The following ARAP2 variants were observed in gnomAD, a reference collection of about 807,000 sequenced individuals.
ARAP2 encodes arf-GAP with Rho-GAP domain, ANK repeat and PH domain-containing protein 2.
A neutral mutation model predicts 194.5 loss-of-function variants in ARAP2; 148 were observed. The ratio of observed to expected loss-of-function variants is 0.76; its 90% CI spans 0.67 to 0.87. ARAP2 has a LOEUF of 0.87. Ranked by LOEUF, ARAP2 falls within the 40% of genes least tolerant of loss-of-function variation. ARAP2 has a pLI of 0.00. For missense variants in ARAP2, 2,128 were observed against 1,989.7 expected (o/e 1.07, Z -1.32); for synonymous variants, 695 against 683.5 (o/e 1.02, Z -0.26).
intron 5 of ARAP2, among the ~76,000 whole-genome samples, chr4:36,022,599 C>T (rs986762066): frequency 7.9e-5 from 12 of 152,098 alleles, no homozygotes; most frequent in Non-Finnish European, 1.6e-4. Flanking sequence ...GACTACACAT[C>T]ACAAAACAGT....
intron 6 of ARAP2, among the ~76,000 whole-genome samples, chr4:36,200,189 A>G (rs1744070888): frequency 6.6e-6 from 1 of 152,172 alleles, no homozygotes; most frequent in South Asian, 2.1e-4. Flanking sequence ...TAATTAGTTA[A>G]TTAAAGATAA....
rs1738365915 is a variant in ARAP2, at chr4:36,177,979, G to A, written c.1705C>T (p.Leu569=). 2 of 1,609,938 alleles carry A rather than the reference G, an allele frequency of 1.2e-6. No homozygotes were observed. Among genetic ancestry groups the A allele is most frequent in the Non-Finnish European group, 1.7e-6 (2 of 1,178,604 alleles). The change falls in exon 9 of 33, where the codon CTA becomes TTA. Residue 569 remains leucine, a synonymous_variant. Transcript: ENST00000303965. ...GATTGTGATTTCAGTGCATTTAATA[G>A]TATGCTGATCCAGTCATTTCTCTCC... ...EEERNDWISI[L]LNALKSQSLT...
chr4:36,054,813 C>T lies in ARAP2; in HGVS notation n.322-2760G>A, dbSNP rs1214734268. 2.0e-5 allele frequency among the ~76,000 whole-genome samples: 3 copies of T among 152,176 alleles called. No homozygotes were observed. The East Asian group carries it at 5.8e-4, about 29-fold the overall frequency. On this transcript the variant is annotated intron_variant and non_coding_transcript_variant, in intron 2 of 12. Transcript: ENST00000503225. ...AAAGCTGATGACTACTCATATTACA[C>T]AGTCATCAGAGAAATACTTTTTAAG...
At chr4:36,207,174 T>C (rs956555528) in intron 6 of ARAP2, among the ~76,000 whole-genome samples, 4 of 152,252 alleles carry the variant, frequency 2.6e-5, no homozygotes, top group Non-Finnish European at 5.9e-5. Flanking sequence ...GAATAAATTA[T>C]ATCCAGTCTT....
chr4:36,203,076 C>T (rs1744753068), intron 6 of ARAP2, among the ~76,000 whole-genome samples: 1 of 152,142 alleles, frequency 6.6e-6, no homozygotes, highest in East Asian at 1.9e-4. Flanking sequence ...ACTCCAACAT[C>T]ACAGAATCCT....
At chr4:36,063,223 C>G (rs1338676649), downstream of ARAP2, among the ~76,000 whole-genome samples, 1 of 152,014 alleles carries the variant, frequency 6.6e-6, no homozygotes, top group Non-Finnish European at 1.5e-5. Flanking sequence ...GAAGCAAACA[C>G]CGCATGTTCT....
intron 6 of ARAP2, among the ~76,000 whole-genome samples, chr4:36,205,977 A>T (rs1745452437): frequency 6.6e-6 from 1 of 152,230 alleles, no homozygotes; most frequent in Admixed American, 6.5e-5. Flanking sequence ...ACTTTTTATC[A>T]AGGATTTCGG....
At chr4:36,135,245 C>G (rs1013867749) in intron 19 of ARAP2, among the ~76,000 whole-genome samples, 4 of 151,674 alleles carry the variant, frequency 2.6e-5, no homozygotes, top group Non-Finnish European at 4.4e-5. Flanking sequence ...CTTTGGGGGC[C>G]AGGTGTGGGT....
chr4:36,131,218 G>GAATATA (rs1725363308), intron 20 of ARAP2, among the ~76,000 whole-genome samples: 1 of 151,354 alleles, frequency 6.6e-6, no homozygotes. Flanking sequence ...CCAACGTTCT[G>GAATATA]AATATAAATA....
At chr4:36,146,648 T>C (rs1239086527) in intron 19 of ARAP2, among the ~76,000 whole-genome samples, 1 of 152,104 alleles carries the variant, frequency 6.6e-6, no homozygotes, top group African/African-American at 2.4e-5. Flanking sequence ...AAGATCTCTT[T>C]TCTTAGCTAG....
intron 21 of ARAP2, among the ~76,000 whole-genome samples, chr4:36,127,379 T>C (rs1207476422): frequency 6.6e-6 from 1 of 152,014 alleles, no homozygotes; most frequent in African/African-American, 2.4e-5. Context: ...AGAAGGCAAA[T>C]GAAAGACTTC....
intron 3 of ARAP2, among the ~76,000 whole-genome samples, chr4:36,047,874 G>C (rs1722078919): frequency 6.6e-6 from 1 of 152,150 alleles, no homozygotes. Context: ...ACAATTGAAA[G>C]ATACAGAAAC....
At chr4:36,078,069 T>A (rs1430125240) in intron 31 of ARAP2, among the ~76,000 whole-genome samples, 1 of 152,182 alleles carries the variant, frequency 6.6e-6, no homozygotes, top group East Asian at 1.9e-4. Flanking sequence ...CACATGGATA[T>A]CCATTTGAAA....
At position 36,239,158 on chromosome 4, in the gene ARAP2, C is replaced by T. The variant is rs367764407; in HGVS notation, c.-160+5021G>A. On this transcript the variant is annotated intron_variant, in intron 1 of 32. Coordinates refer to ENST00000303965, the MANE Select transcript of ARAP2 (RefSeq NM_015230.4). ...GGGCATGGTGGCACACACCTGTAAT[C>T]CCAGCTACTTAGGAGGTTGAGACAT... Among the ~76,000 whole-genome samples, 9 of 152,166 alleles carry T rather than the reference C, an allele frequency of 5.9e-5. No individual in the cohort carries two copies. In the East Asian group the frequency reaches 1.5e-3, roughly 26 times the overall value.
chr4:36,119,964 T>C (rs1722301644), intron 23 of ARAP2, among the ~76,000 whole-genome samples: 1 of 151,524 alleles, frequency 6.6e-6, no homozygotes, highest in Non-Finnish European at 1.5e-5. Context: ...GGAAGTCCTA[T>C]TTCTTAGGAA....
intron 6 of ARAP2, among the ~76,000 whole-genome samples, chr4:36,017,894 AAAT>A (rs1716160151): frequency 6.6e-6 from 1 of 152,158 alleles, no homozygotes; most frequent in Non-Finnish European, 1.5e-5. Flanking sequence ...CAGTGACTGG[AAAT>A]AATAAGATAT....
chr4:36,041,410 CA>C (rs1335160163), intron 5 of ARAP2, among the ~76,000 whole-genome samples: 1 of 152,006 alleles, frequency 6.6e-6, no homozygotes, highest in Non-Finnish European at 1.5e-5. Flanking sequence ...TGTATGCAGC[CA>C]ACAAGCACAT....
chr4:36,056,713 T>C (rs1723580097), intron 2 of ARAP2, among the ~76,000 whole-genome samples: 1 of 152,158 alleles, frequency 6.6e-6, no homozygotes, highest in South Asian at 2.1e-4. Flanking sequence ...TTTTTCTTTT[T>C]TTCTACTTTG....
chr4:36,186,536 C>T (rs982736646), intron 8 of ARAP2, among the ~76,000 whole-genome samples: 9 of 152,206 alleles, frequency 5.9e-5, no homozygotes, highest in African/African-American at 2.2e-4. Flanking sequence ...AAACCCAAGA[C>T]CATGGACTGG....
Sources: allele counts gnomAD v4.1 joint callset (sites outside exome capture counted in the v4.1 genomes callset), GRCh38; gene constraint gnomAD v4.1.1; transcripts MANE v1.5; gene names NCBI Gene and HGNC (gene_info 2026-07-23, HGNC 2026-07-21).